Variants in SPARCL1 observed in about 807,000 individuals in gnomAD.
SPARCL1 encodes SPARC-like protein 1.
SPARCL1 carries 52 observed loss-of-function variants against 67.1 expected under a neutral mutation model. That is an observed-to-expected ratio of 0.78 (90% CI 0.62 to 0.98). The LOEUF (loss-of-function observed/expected upper bound fraction) is 0.98. Ranked by LOEUF, SPARCL1 falls within the 50% of genes least tolerant of loss-of-function variation. The pLI is 0.00. For synonymous variants in SPARCL1, 226 were observed against 267.8 expected (o/e 0.84, Z 1.52); for missense variants, 717 against 782.4 (o/e 0.92, Z 1.00).
At chr4:87,500,145 G>T (rs1395047470) in intron 1 of SPARCL1, among the ~76,000 whole-genome samples, 3 of 152,136 alleles carry the variant, frequency 2.0e-5, no homozygotes, top group African/African-American at 7.2e-5. Context: ...AATTCCAGAG[G>T]TTTCATGTCA....
intron 5 of SPARCL1, 28 bp downstream of exon 5, chr4:87,491,590 A>C: frequency 1.3e-6 from 2 of 1,576,716 alleles, no homozygotes; most frequent in Non-Finnish European, 1.7e-6. Flanking sequence ...TGATATAGTC[A>C]CAAACAGCTT....
intron 1 of SPARCL1, among the ~76,000 whole-genome samples, chr4:87,522,330 C>T (rs1315258573): frequency 6.6e-6 from 1 of 151,908 alleles, no homozygotes; most frequent in Non-Finnish European, 1.5e-5. Flanking sequence ...GAACCTACCA[C>T]CATAAGAGTC....
At chr4:87,504,185 T>TGGGGGGGGGGGGG (rs1553970330) in intron 1 of SPARCL1, among the ~76,000 whole-genome samples, 1 of 19,064 alleles carries the variant, frequency 5.2e-5, no homozygotes, top group Non-Finnish European at 8.6e-5. Context: ...GTGTGTGTGG[T>TGGGGGGGGGGGGG]GGGGTGGGGG....
At chr4:87,525,618 C>T (rs1361912758) in intron 1 of SPARCL1, among the ~76,000 whole-genome samples, 1 of 152,168 alleles carries the variant, frequency 6.6e-6, no homozygotes, top group East Asian at 1.9e-4. Context: ...AGTAAACTAG[C>T]CACTGTTTTA....
chr4:87,482,284 T>A, intron 8 of SPARCL1, 140 bp downstream of exon 8: 1 of 816,262 alleles, frequency 1.2e-6, no homozygotes, highest in Non-Finnish European at 1.9e-6. Flanking sequence ...ATTATTCTGT[T>A]AAGCCACATG....
chr4:87,503,662 C>G (rs959366244), intron 1 of SPARCL1, among the ~76,000 whole-genome samples: 2 of 147,934 alleles, frequency 1.4e-5, no homozygotes, highest in African/African-American at 5.0e-5. Context: ...TCTAACTCAG[C>G]AAATGAAGTT....
At chr4:87,483,289 A>C (rs1723908146) in intron 7 of SPARCL1, among the ~76,000 whole-genome samples, 1 of 151,956 alleles carries the variant, frequency 6.6e-6, no homozygotes, top group African/African-American at 2.4e-5. Context: ...CCCTGTGTCC[A>C]TGTGTTTTCA....
At position 87,474,920 on chromosome 4, in the gene SPARCL1, T is replaced by C. The variant is rs369159857; in HGVS notation, c.1967-1117A>G. Among the ~76,000 whole-genome samples, 142 of 152,128 alleles carry C rather than the reference T, an allele frequency of 9.3e-4. 1 individual carries two copies. In the East Asian group the frequency reaches 0.018, roughly 19 times the overall value. On this transcript the variant is annotated intron_variant, in intron 10 of 10. Coordinates refer to ENST00000282470, the MANE Select transcript of SPARCL1 (RefSeq NM_004684.6). ...ACCACGCCCGGCTAATTTTTTGTAT[T>C]TTTAGTAGAGACGGGGTTTCACCGT...
rs746453849 is a variant in SPARCL1, at chr4:87,493,687, G to A, written c.1113C>T (p.Ala371=). The change falls in exon 4 of 11, where the codon GCC becomes GCT. Residue 371 remains alanine, a synonymous_variant. Coordinates refer to ENST00000282470, the MANE Select transcript of SPARCL1 (RefSeq NM_004684.6). ...YFIPSQAFLE[A]ERAQSIAYHL... is the part of the protein sequence containing the mutation. ...GATAGGCAATGGATTGAGCTCTCTC[G>A]GCCTCCAGAAAGGCCTGGCTTGGGA... 2.7e-5 allele frequency: 43 copies of A among 1,613,896 alleles called. No homozygotes were observed. The East Asian group carries it at 5.8e-4, about 22-fold the overall frequency.
At chr4:87,524,925 G>T (rs897142736) in intron 1 of SPARCL1, among the ~76,000 whole-genome samples, 2 of 152,130 alleles carry the variant, frequency 1.3e-5, no homozygotes, top group African/African-American at 4.8e-5. Flanking sequence ...CACCTTGGGA[G>T]CCTGAGGCAA....
In SPARCL1 at chr4:87,494,304, G is replaced by T; in HGVS notation, c.496C>A (p.Gln166Lys). The T allele has an allele frequency of 6.2e-7, 1 of 1,614,066 alleles. No homozygotes were observed. Among genetic ancestry groups the T allele is most frequent in the Non-Finnish European group, 8.5e-7 (1 of 1,180,012 alleles). The part of the protein sequence containing the change: ...SITKREENQE[Q>K]PRNYSHHQLN... ...TGATGATGTGAATAATTTCTAGGTTGTTCTTGGTTTTCCTCTCTCTTTGTG... is the reference window on the plus strand; with the variant it reads ...TGATGATGTGAATAATTTCTAGGTTTTTCTTGGTTTTCCTCTCTCTTTGTG... Residue 166 changes from glutamine to lysine, a missense_variant, in exon 4 of 11, where the codon CAA (glutamine) becomes AAA (lysine). Gln to Lys is a moderately conservative substitution (Grantham distance 53). Coordinates refer to ENST00000282470, the MANE Select transcript of SPARCL1 (RefSeq NM_004684.6).
At chr4:87,501,551 A>T (rs1724849849) in intron 1 of SPARCL1, among the ~76,000 whole-genome samples, 1 of 151,938 alleles carries the variant, frequency 6.6e-6, no homozygotes, top group African/African-American at 2.4e-5. Context: ...CTATTTTCTT[A>T]TAATTTCCAG....
chr4:87,502,452 C>G (rs755540991), intron 1 of SPARCL1, among the ~76,000 whole-genome samples: 5 of 152,134 alleles, frequency 3.3e-5, no homozygotes, highest in Non-Finnish European at 7.4e-5. Flanking sequence ...CTCAAGTATC[C>G]TCTGTTCTAC....
chr4:87,493,675 T>A lies in SPARCL1; in HGVS notation c.1125A>T (p.Gln375His), dbSNP rs758614779. The change falls in exon 4 of 11, where the codon CAA becomes CAT. Residue 375 changes from glutamine to histidine, a missense_variant. By Grantham distance (24) the Gln-to-His change is conservative (BLOSUM62 0). Coordinates refer to ENST00000282470, the MANE Select transcript of SPARCL1 (RefSeq NM_004684.6). ...CAATTTTGAGGTGATAGGCAATGGA[T>A]TGAGCTCTCTCGGCCTCCAGAAAGG... ...SQAFLEAERA[Q>H]SIAYHLKIEE... The A allele has an allele frequency of 1.7e-5, 27 of 1,614,166 alleles. No homozygotes were observed. Among genetic ancestry groups the A allele is most frequent in the Non-Finnish European group, 2.3e-5 (27 of 1,180,018 alleles).
chr4:87,487,471 C>G (rs934152994), intron 7 of SPARCL1, among the ~76,000 whole-genome samples: 17 of 152,228 alleles, frequency 1.1e-4, no homozygotes, highest in African/African-American at 3.9e-4. Context: ...CACTGTTAGT[C>G]TGATGGGCTT....
At chr4:87,506,998 ATAAGT>A (rs1396589358) in intron 1 of SPARCL1, among the ~76,000 whole-genome samples, 2 of 152,200 alleles carry the variant, frequency 1.3e-5, no homozygotes, top group Non-Finnish European at 2.9e-5. Flanking sequence ...CATCTTCCTG[ATAAGT>A]TAAGTTGTGA....
chr4:87,498,691 C>A (rs147648119), intron 2 of SPARCL1, among the ~76,000 whole-genome samples: 3 of 152,244 alleles, frequency 2.0e-5, no homozygotes, highest in African/African-American at 7.2e-5. Context: ...TCTAGCCCTG[C>A]CTACTTTCAG....
rs148020099 is a variant in SPARCL1 at position 87,499,533 on chromosome 4, T to C, written c.42A>G (p.Ala14=). 1.2e-5 allele frequency: 19 copies of C among 1,602,816 alleles called. No individual in the cohort carries two copies. The highest frequency in any genetic ancestry group is 1.8e-5 in the Admixed American group (1 of 56,930). ...AAAGGAAATTTACCGGGATTGCAGCTGCAGTTCCCAAGAGACATAGGAAAA... is the reference window on the plus strand; with the variant it reads ...AAAGGAAATTTACCGGGATTGCAGCCGCAGTTCCCAAGAGACATAGGAAAA... ...GLFFLCLLGT[A]AAIPTNARLL... is the part of the protein sequence containing the mutation. The change falls in exon 2 of 11, where the codon GCA becomes GCG. Residue 14 remains alanine (A), a synonymous_variant. Coordinates refer to ENST00000282470, the MANE Select transcript of SPARCL1 (RefSeq NM_004684.6).
At chr4:87,526,599 A>G (rs1296679346) in intron 1 of SPARCL1, among the ~76,000 whole-genome samples, 2 of 152,242 alleles carry the variant, frequency 1.3e-5, no homozygotes, top group Admixed American at 1.3e-4. Flanking sequence ...ACTGATTGTA[A>G]GAAGCAGAGT....
Sources: allele counts gnomAD v4.1 joint callset (sites outside exome capture counted in the v4.1 genomes callset), GRCh38; gene constraint gnomAD v4.1.1; transcripts MANE v1.5; gene names NCBI Gene and HGNC (gene_info 2026-07-23, HGNC 2026-07-21).